The following PPP2R2B variants were observed in gnomAD, a reference collection of about 807,000 sequenced individuals.
PPP2R2B encodes serine/threonine-protein phosphatase 2A 55 kDa regulatory subunit B beta isoform.
In PPP2R2B, 5 loss-of-function variants were observed where a neutral mutation model predicts 46.0. That is an observed-to-expected ratio of 0.11 (90% CI 0.06 to 0.23). The LOEUF is 0.23. Ranked by LOEUF, PPP2R2B falls within the 10% of genes least tolerant of loss-of-function variation. The probability of loss-of-function intolerance (pLI) is 1.00; values close to 1 mark genes in which losing one functional copy is unlikely to be tolerated. For missense variants in PPP2R2B, 367 were observed against 575.0 expected (o/e 0.64, Z 3.70); for synonymous variants, 215 against 206.7 (o/e 1.04, Z -0.34).
intron 1 of PPP2R2B, among the ~76,000 whole-genome samples, chr5:146,977,274 G>C (rs1027990732): frequency 2.0e-5 from 3 of 151,958 alleles, no homozygotes; most frequent in African/African-American, 7.3e-5. Context: ...GTCACCCCAA[G>C]CTGGAATGCA....
intron 1 of PPP2R2B, among the ~76,000 whole-genome samples, chr5:147,007,772 C>T (rs573818800): frequency 4.6e-5 from 7 of 152,206 alleles, no homozygotes; most frequent in Middle Eastern, 3.4e-3. Flanking sequence ...ACACTGACTG[C>T]GAGGGTCTGC....
intron 2 of PPP2R2B, among the ~76,000 whole-genome samples, chr5:146,764,614 C>G (rs1754360242): frequency 6.6e-6 from 1 of 152,184 alleles, no homozygotes; most frequent in Non-Finnish European, 1.5e-5. Flanking sequence ...ACTTCTGCTG[C>G]ACCTGCAAGA....
At chr5:146,982,229 G>A (rs1400853127) in intron 1 of PPP2R2B, among the ~76,000 whole-genome samples, 1 of 151,800 alleles carries the variant, frequency 6.6e-6, no homozygotes. Context: ...CTTTTCATTT[G>A]TTGCCAGGTC....
chr5:146,620,995 C>A (rs908610368), intron 7 of PPP2R2B, among the ~76,000 whole-genome samples: 5 of 152,230 alleles, frequency 3.3e-5, no homozygotes, highest in African/African-American at 1.2e-4. Flanking sequence ...GAGGCACAGG[C>A]ACAGAAAGGG....
chr5:146,895,090 C>T (rs1762604237), intron 1 of PPP2R2B, among the ~76,000 whole-genome samples: 1 of 152,218 alleles, frequency 6.6e-6, no homozygotes, highest in South Asian at 2.1e-4. Context: ...CTTCCTTTCA[C>T]ACATCCTCCT....
At chr5:146,681,421 C>T (rs1047415152) in intron 5 of PPP2R2B, among the ~76,000 whole-genome samples, 8 of 152,004 alleles carry the variant, frequency 5.3e-5, no homozygotes, top group Non-Finnish European at 1.0e-4. Flanking sequence ...CGTGTAGTTT[C>T]GGGGACCGGA....
At chr5:146,784,792 T>C (rs1041053417) in intron 2 of PPP2R2B, among the ~76,000 whole-genome samples, 1 of 152,240 alleles carries the variant, frequency 6.6e-6, no homozygotes, top group African/African-American at 2.4e-5. Flanking sequence ...AAGAAGGTTC[T>C]ATTATGTTAA....
At chr5:146,912,582 C>A (rs2963077) in intron 1 of PPP2R2B, among the ~76,000 whole-genome samples, 4,966 of 150,806 alleles carry the variant, frequency 0.033, 237 homozygotes, top group African/African-American at 0.096. Flanking sequence ...GGCACGATCT[C>A]GGCTCACCAC....
At chr5:146,939,993 A>G (rs976997213) in intron 1 of PPP2R2B, among the ~76,000 whole-genome samples, 7 of 152,146 alleles carry the variant, frequency 4.6e-5, no homozygotes, top group African/African-American at 1.7e-4. Flanking sequence ...ATATTTACAT[A>G]GTATCTATCT....
chr5:147,036,581 G>A (rs150431057), intron 1 of PPP2R2B, among the ~76,000 whole-genome samples: 82 of 152,288 alleles, frequency 5.4e-4, no homozygotes, highest in African/African-American at 1.9e-3. Flanking sequence ...AGACTTTGAG[G>A]AATTGCCACA....
At chr5:146,900,278 A>G (rs1017643793) in intron 1 of PPP2R2B, among the ~76,000 whole-genome samples, 4 of 152,218 alleles carry the variant, frequency 2.6e-5, no homozygotes, top group African/African-American at 9.6e-5. Flanking sequence ...CCAATCTGCT[A>G]TTCTTCTTCC....
intron 1 of PPP2R2B, among the ~76,000 whole-genome samples, chr5:146,997,091 T>A (rs1034319510): frequency 2.0e-5 from 3 of 152,200 alleles, no homozygotes; most frequent in Non-Finnish European, 4.4e-5. Context: ...AGTTTACTTC[T>A]ACCAGTATGA....
At chr5:147,038,077 T>G (rs2151895298) in intron 1 of PPP2R2B, among the ~76,000 whole-genome samples, 1 of 152,234 alleles carries the variant, frequency 6.6e-6, no homozygotes, top group African/African-American at 2.4e-5. Flanking sequence ...AGAACCAAGG[T>G]TCTTTGACCC....
At position 147,081,255 on chromosome 5, in the gene PPP2R2B, A is replaced by G. The variant is rs1451730866; in HGVS notation, c.-29+2T>C. On this transcript the variant is annotated splice_donor_variant, in intron 1 of 10. Transcript: ENST00000394413. LOFTEE classifies it low-confidence loss of function (5UTR_SPLICE). ...TGCATTTCTAAAAGGAGACTTGCACACCAGGTATCATCTCGTCAGAGAAGA... is the reference window on the plus strand; with the variant it reads ...TGCATTTCTAAAAGGAGACTTGCACGCCAGGTATCATCTCGTCAGAGAAGA... The G allele has an allele frequency of 6.5e-7, 1 of 1,535,690 alleles. No individual in the cohort carries two copies. Among genetic ancestry groups the G allele is most frequent in the South Asian group, 1.2e-5 (1 of 84,068 alleles).
At position 146,589,739 on chromosome 5, in the gene PPP2R2B, A is replaced by G; in HGVS notation, c.*208T>C. The G allele has an allele frequency of 1.8e-6, 1 of 567,094 alleles. No homozygotes were observed. The highest frequency in any genetic ancestry group is 3.1e-6 in the Non-Finnish European group (1 of 323,382). The allele number at this position is 567,094 out of a possible 1,614,324, so 35.1% of individuals were successfully genotyped here. ...CTGTTAGCTGGCAGCTTTCAATTCTAAACAGAAGTGTCCCAAACCTATTGG... is the reference window on the plus strand; with the variant it reads ...CTGTTAGCTGGCAGCTTTCAATTCTGAACAGAAGTGTCCCAAACCTATTGG... On this transcript the variant is annotated 3_prime_UTR_variant, in exon 10 of 10. Transcript: ENST00000394411.
intron 2 of PPP2R2B, among the ~76,000 whole-genome samples, chr5:146,793,068 G>A (rs956882372): frequency 2.0e-5 from 3 of 152,214 alleles, no homozygotes; most frequent in African/African-American, 7.2e-5. Flanking sequence ...CAGCACGGTA[G>A]CAGTGGAAGT....
At chr5:146,713,402 G>A (rs1581934006) in intron 2 of PPP2R2B, among the ~76,000 whole-genome samples, 1 of 152,298 alleles carries the variant, frequency 6.6e-6, no homozygotes, top group East Asian at 1.9e-4. Context: ...CAATGTGAAT[G>A]TATTTGATGC....
chr5:146,789,723 T>C (rs1222087113), intron 2 of PPP2R2B, among the ~76,000 whole-genome samples: 6 of 151,954 alleles, frequency 3.9e-5, no homozygotes, highest in Non-Finnish European at 7.4e-5. Context: ...TATAAGATAA[T>C]GATAATGGAT....
chr5:146,908,262 A>G (rs1763066036), intron 1 of PPP2R2B, among the ~76,000 whole-genome samples: 1 of 152,198 alleles, frequency 6.6e-6, no homozygotes, highest in Non-Finnish European at 1.5e-5. Context: ...ACTACATGAC[A>G]GATCTTTGTA....
Sources: gnomAD v4.1 joint callset for allele counts (sites outside exome capture counted in the v4.1 genomes callset) on GRCh38, gnomAD v4.1.1 for gene constraint, MANE v1.5 for transcripts, NCBI Gene and HGNC (gene_info 2026-07-23, HGNC 2026-07-21) for gene names.